ERCC6L2: variants seen among roughly 807,000 people sequenced by gnomAD.
The protein encoded by ERCC6L2 is DNA excision repair protein ERCC-6-like 2.
A neutral mutation model predicts 132.0 loss-of-function variants in ERCC6L2; 77 were observed. That is an observed-to-expected ratio of 0.58 (90% CI 0.49 to 0.71). ERCC6L2 has a LOEUF of 0.71. Ranked by LOEUF, ERCC6L2 falls within the 30% of genes least tolerant of loss-of-function variation. The probability of loss-of-function intolerance (pLI) is 0.00; values close to 1 mark genes in which losing one functional copy is unlikely to be tolerated. For synonymous variants in ERCC6L2, 583 were observed against 632.4 expected, an observed-to-expected ratio of 0.92 and a Z score of 1.17; for missense variants, 1,542 against 1,837.6, an observed-to-expected ratio of 0.84 and a Z score of 2.94.
intron 3 of ERCC6L2, among the ~76,000 whole-genome samples, chr9:95,902,322 T>C (rs143949391): frequency 4.1e-4 from 63 of 152,280 alleles, no homozygotes; most frequent in African/African-American, 1.5e-3. Context: ...AAAATATTAC[T>C]ATCTTGCATG....
intron 13 of ERCC6L2, among the ~76,000 whole-genome samples, chr9:95,965,459 G>T (rs898635954): frequency 6.6e-6 from 1 of 152,124 alleles, no homozygotes; most frequent in Non-Finnish European, 1.5e-5. Context: ...ATTGCCTAGA[G>T]TAACTTATTA....
chr9:95,925,149 T>C (rs896575655), intron 9 of ERCC6L2, among the ~76,000 whole-genome samples: 1 of 152,204 alleles, frequency 6.6e-6, no homozygotes, highest in Non-Finnish European at 1.5e-5. Flanking sequence ...GAATGCCTGC[T>C]ATAATCTTTA....
chr9:96,036,356 A>G (rs78513472), intron 19 of ERCC6L2, among the ~76,000 whole-genome samples: 4,981 of 152,310 alleles, frequency 0.033, 115 homozygotes, highest in East Asian at 0.15. Flanking sequence ...CATCCATGTC[A>G]TAGCATATTT....
downstream of ERCC6L2, chr9:96,020,226 G>GA (rs1227764533): frequency 1.9e-5 from 3 of 160,118 alleles, no homozygotes; most frequent in South Asian, 1.7e-4. Flanking sequence ...CAGCGTTCAG[G>GA]AAACCACCTC....
At chr9:95,883,141 C>A (rs886933483) in intron 2 of ERCC6L2, among the ~76,000 whole-genome samples, 3 of 152,110 alleles carry the variant, frequency 2.0e-5, no homozygotes, top group Non-Finnish European at 4.4e-5. Context: ...CTCACCAGAT[C>A]GTAGAATTCA....
intron 4 of ERCC6L2, among the ~76,000 whole-genome samples, chr9:95,915,252 T>A (rs1224103950): frequency 6.6e-6 from 1 of 152,188 alleles, no homozygotes; most frequent in Non-Finnish European, 1.5e-5. Context: ...CTAAACTTTC[T>A]TAGTGGACAG....
downstream of ERCC6L2, chr9:96,020,268 C>T (rs966397471): frequency 6.0e-6 from 1 of 166,488 alleles, no homozygotes; most frequent in African/African-American, 2.4e-5. Context: ...TGGTCCCGCC[C>T]ATGACACGTG....
At chr9:95,948,179 T>C (rs115702420) in intron 12 of ERCC6L2, among the ~76,000 whole-genome samples, 1,772 of 152,348 alleles carry the variant, frequency 0.012, 44 homozygotes, top group African/African-American at 0.04. Flanking sequence ...ACATTTGTGA[T>C]TCATGAGAAG....
At chr9:96,030,702 A>G (rs1834446220) in intron 19 of ERCC6L2, among the ~76,000 whole-genome samples, 1 of 53,308 alleles carries the variant, frequency 1.9e-5, no homozygotes, top group East Asian at 8.4e-4. Flanking sequence ...ACTCCATCTC[A>G]AAAAAAAAAA....
chr9:96,006,536 G>A (rs989670186), intron 18 of ERCC6L2, among the ~76,000 whole-genome samples: 3 of 152,236 alleles, frequency 2.0e-5, no homozygotes, highest in African/African-American at 7.2e-5. Flanking sequence ...AAGTTTGAAT[G>A]TAAAAAGTAG....
intron 17 of ERCC6L2, among the ~76,000 whole-genome samples, chr9:95,981,442 TTC>T (rs1284256895): frequency 6.6e-6 from 1 of 152,236 alleles, no homozygotes; most frequent in East Asian, 1.9e-4. Context: ...TTTATAAATG[TTC>T]TGTCTCTCCT....
intron 19 of ERCC6L2, among the ~76,000 whole-genome samples, chr9:96,028,245 C>T (rs1373321607): frequency 6.6e-6 from 1 of 152,144 alleles, no homozygotes; most frequent in East Asian, 1.9e-4. Flanking sequence ...CACTTCTCCC[C>T]TCTGTTCACT....
At chr9:95,986,808 C>T (rs939739570) in intron 17 of ERCC6L2, among the ~76,000 whole-genome samples, 1 of 152,200 alleles carries the variant, frequency 6.6e-6, no homozygotes, top group East Asian at 1.9e-4. Flanking sequence ...TATCTCTCTC[C>T]TTTTGTCAGG....
intron 12 of ERCC6L2, 107 bp downstream of exon 12, chr9:95,941,656 GA>G (rs1203532000): frequency 1.3e-6 from 1 of 777,370 alleles, no homozygotes; most frequent in Non-Finnish European, 2.1e-6. Flanking sequence ...AAGAAAGGGG[GA>G]AACTGGTAAA....
intron 2 of ERCC6L2, among the ~76,000 whole-genome samples, chr9:95,885,438 T>A (rs1827813622): frequency 6.6e-6 from 1 of 152,196 alleles, no homozygotes. Context: ...CACCTACTAT[T>A]TTTGGTTTTA....
chr9:95,887,852 A>G (rs562592618), intron 2 of ERCC6L2, among the ~76,000 whole-genome samples: 1 of 152,272 alleles, frequency 6.6e-6, no homozygotes, highest in Non-Finnish European at 1.5e-5. Context: ...GAAAAATAAT[A>G]TTGTCTTTAT....
chr9:95,952,710 C>G (rs922079075), intron 12 of ERCC6L2, among the ~76,000 whole-genome samples: 12 of 152,064 alleles, frequency 7.9e-5, no homozygotes, highest in African/African-American at 4.8e-5. Context: ...GTGGTACATG[C>G]CTGTAGTTCC....
In ERCC6L2 at chr9:96,013,987, CTG is replaced by C. The variant is rs899139795; in HGVS notation, c.*786_*787del. On this transcript the variant is annotated 3_prime_UTR_variant, in exon 19 of 19. Coordinates refer to ENST00000653738, the MANE Select transcript of ERCC6L2 (RefSeq NM_020207.7). ...GGTAAACTTTTTATTTTGTTAGAAACTGTTATATTTTGAGTGTAATATTTATG... is the reference window on the plus strand; with the variant it reads ...GGTAAACTTTTTATTTTGTTAGAAACTTATATTTTGAGTGTAATATTTATG... 2.6e-5 allele frequency: 4 copies of C among 152,070 alleles called. No homozygotes were observed. The highest frequency in any genetic ancestry group is 1.5e-5 in the Non-Finnish European group (1 of 68,022). 9.4% of individuals were successfully genotyped at this position (152,070 alleles called of 1,614,324 possible). A position where few individuals can be genotyped will look rare whatever the true frequency, so the allele number is the denominator to read the frequency against.
rs199758580 is a variant in ERCC6L2, at chr9:95,915,638, A to G, written c.789-30A>G. The G allele has an allele frequency of 5.5e-5, 87 of 1,582,054 alleles. 1 individual carries two copies. Among genetic ancestry groups the G allele is most frequent in the Middle Eastern group, 3.4e-4 (2 of 5,900 alleles). ...AGGACTAAGAAAGGAAGTTTTCTCA[A>G]CCTCACCCTTCTTTTTTCTTACTTT... On this transcript the variant is annotated intron_variant, in intron 4 of 18. Transcript: ENST00000653738.
Sources: allele counts gnomAD v4.1 joint callset (sites outside exome capture counted in the v4.1 genomes callset), GRCh38; gene constraint gnomAD v4.1.1; transcripts MANE v1.5; gene names NCBI Gene and HGNC (gene_info 2026-07-23, HGNC 2026-07-21).